The following RCAN2 variants were observed in gnomAD, a reference collection of about 807,000 sequenced individuals.
RCAN2 encodes calcipressin-2.
RCAN2 carries 9 observed loss-of-function variants against 23.6 expected under a neutral mutation model. That is an observed-to-expected ratio of 0.38 (90% CI 0.23 to 0.67). The LOEUF is 0.67. Ranked by LOEUF, RCAN2 falls within the 30% of genes least tolerant of loss-of-function variation. The probability of loss-of-function intolerance (pLI) is 0.51; values close to 1 mark genes in which losing one functional copy is unlikely to be tolerated. For synonymous variants in RCAN2, 109 were observed against 115.7 expected (o/e 0.94, Z 0.37); for missense variants, 273 against 302.3 (o/e 0.90, Z 0.72).
intron 2 of RCAN2, among the ~76,000 whole-genome samples, chr6:46,343,181 G>A (rs949247102): frequency 2.0e-5 from 3 of 151,878 alleles, no homozygotes; most frequent in South Asian, 2.1e-4. Context: ...ACAACAACAG[G>A]AATTACTATT....
chr6:46,398,720 A>G (rs1766159594), intron 2 of RCAN2, among the ~76,000 whole-genome samples: 1 of 152,128 alleles, frequency 6.6e-6, no homozygotes, highest in Admixed American at 6.5e-5. Context: ...CCACTAGAGA[A>G]AGTAGTGAAT....
chr6:46,418,515 T>C (rs906763895), intron 2 of RCAN2, among the ~76,000 whole-genome samples: 4 of 151,874 alleles, frequency 2.6e-5, no homozygotes, highest in African/African-American at 9.7e-5. Context: ...GATCTTTTTG[T>C]CATTCTCGTC....
intron 2 of RCAN2, among the ~76,000 whole-genome samples, chr6:46,292,969 C>T (rs1303027757): frequency 2.0e-5 from 3 of 152,118 alleles, no homozygotes; most frequent in Non-Finnish European, 4.4e-5. Flanking sequence ...TGAGAACATG[C>T]AGTGTTTGGT....
At chr6:46,458,610 CAT>C (rs1164269276) in intron 1 of RCAN2, among the ~76,000 whole-genome samples, 6 of 151,968 alleles carry the variant, frequency 3.9e-5, no homozygotes, top group Admixed American at 2.6e-4. Flanking sequence ...AAATATGGTA[CAT>C]GTTTTATTAA....
intron 2 of RCAN2, among the ~76,000 whole-genome samples, chr6:46,456,501 T>C (rs1768035850): frequency 6.6e-6 from 1 of 152,234 alleles, no homozygotes; most frequent in Admixed American, 6.5e-5. Flanking sequence ...CCATTTGTTT[T>C]GCTAGATAGA....
intron 4 of RCAN2, among the ~76,000 whole-genome samples, chr6:46,237,106 A>G (rs1386731167): frequency 6.6e-6 from 1 of 150,520 alleles, no homozygotes; most frequent in Non-Finnish European, 1.5e-5. Flanking sequence ...ATATTCTACA[A>G]GCGACTCTAC....
At chr6:46,368,949 T>C (rs1289784222) in intron 2 of RCAN2, among the ~76,000 whole-genome samples, 4 of 152,246 alleles carry the variant, frequency 2.6e-5, no homozygotes, top group African/African-American at 9.6e-5. Flanking sequence ...TTTAAAATTT[T>C]CAAATAGTTT....
intron 2 of RCAN2, among the ~76,000 whole-genome samples, chr6:46,284,215 T>C (rs1380228067): frequency 2.0e-5 from 3 of 152,140 alleles, no homozygotes; most frequent in South Asian, 2.1e-4. Context: ...AGAACTCAAA[T>C]AACAATTTAG....
At chr6:46,327,529 T>C (rs755634342) in intron 2 of RCAN2, among the ~76,000 whole-genome samples, 2 of 152,220 alleles carry the variant, frequency 1.3e-5, no homozygotes, top group African/African-American at 2.4e-5. Flanking sequence ...ACCAGGCAGC[T>C]TTTGAAAAGG....
intron 2 of RCAN2, 77 bp downstream of exon 2, chr6:46,456,675 C>T (rs1157331419): frequency 4.4e-6 from 5 of 1,145,338 alleles, no homozygotes; most frequent in African/African-American, 1.6e-5. Flanking sequence ...AAAACACCAA[C>T]CACAAATGAA....
intron 2 of RCAN2, among the ~76,000 whole-genome samples, chr6:46,348,525 C>T (rs1204152533): frequency 6.6e-6 from 1 of 152,158 alleles, no homozygotes; most frequent in East Asian, 1.9e-4. Context: ...AGCTTCCTCC[C>T]CTTCCATTAG....
intron 2 of RCAN2, among the ~76,000 whole-genome samples, chr6:46,401,941 T>A (rs556779992): frequency 3.2e-4 from 48 of 152,200 alleles, no homozygotes; most frequent in South Asian, 6.2e-4. Context: ...ACACAGCTTG[T>A]GAGCTCAGCC....
intron 2 of RCAN2, among the ~76,000 whole-genome samples, chr6:46,439,151 G>A (rs186743221): frequency 6.6e-6 from 1 of 152,308 alleles, no homozygotes; most frequent in Non-Finnish European, 1.5e-5. Context: ...CCATTTCTTT[G>A]TTCCTAAGGC....
At position 46,387,056 on chromosome 6, in the gene RCAN2, A is replaced by C. The variant is rs527275566; in HGVS notation, c.225+69696T>G. Among the ~76,000 whole-genome samples, 375 of 152,340 alleles carry C rather than the reference A, an allele frequency of 2.5e-3. 3 individuals carry two copies. Among genetic ancestry groups the C allele is most frequent in the Middle Eastern group, 0.01 (3 of 294 alleles). On this transcript the variant is annotated intron_variant, in intron 2 of 4. Coordinates refer to ENST00000371374, the MANE Select transcript of RCAN2 (RefSeq NM_001251974.2). ...AGAAAACGGGCTAGCCATATGTAGA[A>C]AGTTGAAACTGGATCCCTTCCTTAC...
intron 2 of RCAN2, among the ~76,000 whole-genome samples, chr6:46,327,871 C>G (rs548162399): frequency 2.0e-5 from 3 of 152,306 alleles, no homozygotes; most frequent in African/African-American, 7.2e-5. Context: ...TCTGCTCACA[C>G]GGGCTGTTCC....
chr6:46,385,003 G>C (rs1765704851), intron 2 of RCAN2, among the ~76,000 whole-genome samples: 1 of 152,218 alleles, frequency 6.6e-6, no homozygotes, highest in African/African-American at 2.4e-5. Context: ...ATGGCAGAAT[G>C]TTGATTAGTG....
intron 2 of RCAN2, among the ~76,000 whole-genome samples, chr6:46,445,709 A>G (rs1410635018): frequency 1.3e-5 from 2 of 152,338 alleles, no homozygotes; most frequent in South Asian, 4.1e-4. Flanking sequence ...AACAATAAGC[A>G]ACCAAAATAC....
upstream of RCAN2, chr6:46,491,867 T>C (rs1377858367): frequency 6.6e-6 from 1 of 152,300 alleles, no homozygotes; most frequent in Admixed American, 6.5e-5. Context: ...AGACTCTTCT[T>C]ACCAGATGTC....
intron 2 of RCAN2, among the ~76,000 whole-genome samples, chr6:46,330,429 C>A (rs1763931739): frequency 6.6e-6 from 1 of 152,226 alleles, no homozygotes; most frequent in South Asian, 2.1e-4. Flanking sequence ...TGCCTGGCAT[C>A]ATATCATTTC....
Sources: gnomAD v4.1 joint callset for allele counts (sites outside exome capture counted in the v4.1 genomes callset) on GRCh38, gnomAD v4.1.1 for gene constraint, MANE v1.5 for transcripts, NCBI Gene and HGNC (gene_info 2026-07-23, HGNC 2026-07-21) for gene names.